ROBO2: variants seen among roughly 807,000 people sequenced by gnomAD.
ROBO2 encodes the protein roundabout guidance receptor 2, also known as roundabout homolog 2.
In ROBO2, 53 loss-of-function variants were observed where a neutral mutation model predicts 160.8. That is an observed-to-expected ratio of 0.33 (90% CI 0.26 to 0.41). The LOEUF (loss-of-function observed/expected upper bound fraction) is 0.41. ROBO2 is among the 10% of genes least tolerant of loss of function. The pLI, the probability that ROBO2 is intolerant of heterozygous loss-of-function variation, is 1.00. For synonymous variants in ROBO2, 664 were observed against 611.7 expected (o/e 1.09, Z -1.26); for missense variants, 1,577 against 1,722.4 (o/e 0.92, Z 1.49).
chr3:77,449,014 T>C (rs1439633480), intron 2 of ROBO2, among the ~76,000 whole-genome samples: 1 of 152,148 alleles, frequency 6.6e-6, no homozygotes, highest in African/African-American at 2.4e-5. Context: ...AAGTTTTAGC[T>C]CTTTAAGTTT....
rs530927345 is a variant in ROBO2, at chr3:76,941,248, T to C, written c.110-156766T>C. On this transcript the variant is annotated intron_variant, in intron 2 of 26. Coordinates refer to the ROBO2 transcript ENST00000487694. ...TACTCCAGTAGCTGTTTACTTGGCT[T>C]CCTTGCTTCTGTGCTTGTCCACTTG... Among the ~76,000 whole-genome samples the C allele has an allele frequency of 3.7e-3, 557 of 152,314 alleles. 3 individuals are homozygous for C. Among genetic ancestry groups the C allele is most frequent in the Non-Finnish European group, 6.9e-3 (468 of 68,036 alleles).
intron 2 of ROBO2, among the ~76,000 whole-genome samples, chr3:76,520,829 AT>A (rs542754955): frequency 6.6e-5 from 10 of 152,164 alleles, no homozygotes; most frequent in Non-Finnish European, 1.2e-4. Context: ...GCACTTTTGA[AT>A]TTTAAAAAGG....
chr3:76,802,544 C>T (rs1465173381), intron 2 of ROBO2, among the ~76,000 whole-genome samples: 1 of 151,734 alleles, frequency 6.6e-6, no homozygotes, highest in Non-Finnish European at 1.5e-5. Context: ...CTGGCTAACA[C>T]GGTGAAACCC....
At chr3:77,174,655 C>A (rs572604580) in intron 2 of ROBO2, among the ~76,000 whole-genome samples, 1 of 152,090 alleles carries the variant, frequency 6.6e-6, no homozygotes, top group African/African-American at 2.4e-5. Flanking sequence ...TGTTCTGATA[C>A]TCATGTCTGT....
intron 2 of ROBO2, among the ~76,000 whole-genome samples, chr3:76,269,020 T>G (rs192974983): frequency 6.6e-6 from 1 of 152,204 alleles, no homozygotes; most frequent in East Asian, 1.9e-4. Context: ...ATGACTGTTA[T>G]CTTATTGGGG....
intron 2 of ROBO2, among the ~76,000 whole-genome samples, chr3:76,451,136 G>T (rs930013016): frequency 6.6e-6 from 1 of 152,094 alleles, no homozygotes; most frequent in South Asian, 2.1e-4. Flanking sequence ...ATCTGAAGGC[G>T]ACACGTTACT....
chr3:77,644,725 G>T, exon 25 of ROBO2: 1 of 1,613,970 alleles, frequency 6.2e-7, no homozygotes, highest in South Asian at 1.1e-5. Context: ...GTGCCCTATA[G>T]CAAGCCCAGT....
intron 2 of ROBO2, among the ~76,000 whole-genome samples, chr3:77,355,250 T>C (rs1231670828): frequency 6.6e-6 from 1 of 151,770 alleles, no homozygotes; most frequent in Non-Finnish European, 1.5e-5. Context: ...CCCTAGGAGT[T>C]TGGCTCTGCT....
At position 76,830,174 on chromosome 3, in the gene ROBO2, C is replaced by G. The variant is rs142877238; in HGVS notation, c.110-267840C>G. Among the ~76,000 whole-genome samples, 496 of 152,286 alleles carry G rather than the reference C, an allele frequency of 3.3e-3. 1 individual carries two copies. The highest frequency in any genetic ancestry group is 5.0e-3 in the Non-Finnish European group (339 of 68,020). ...ACAGCTACAACTCAACTGTCCCCCC[C>G]TCCATGCATGCTATTCTTTCCTTAT... On this transcript the variant is annotated intron_variant, in intron 2 of 26. Transcript: ENST00000487694.
intron 2 of ROBO2, among the ~76,000 whole-genome samples, chr3:76,339,807 A>G (rs111652314): frequency 0.061 from 9,239 of 152,194 alleles, 790 homozygotes; most frequent in African/African-American, 0.19. Flanking sequence ...ACAATAATTC[A>G]TATGTTTATA....
At chr3:76,759,636 T>A (rs2061186516) in intron 2 of ROBO2, among the ~76,000 whole-genome samples, 1 of 150,382 alleles carries the variant, frequency 6.6e-6, no homozygotes. Context: ...AAAAAGTACA[T>A]GGAATTTCAG....
chr3:77,394,202 T>C (rs574957479), intron 2 of ROBO2, among the ~76,000 whole-genome samples: 14 of 152,280 alleles, frequency 9.2e-5, no homozygotes, highest in African/African-American at 3.4e-4. Flanking sequence ...AATCGTGCTT[T>C]TCCCTGCTGC....
chr3:76,806,214 C>CGTGTGTGT (rs71104623), intron 2 of ROBO2, among the ~76,000 whole-genome samples: 11,003 of 146,150 alleles, frequency 0.075, 543 homozygotes, highest in South Asian at 0.11. Flanking sequence ...TTTCTGTGTG[C>CGTGTGTGT]GTGTGTGTGT....
At chr3:75,936,060 G>A (rs1947764958) in intron 1 of ROBO2, among the ~76,000 whole-genome samples, 1 of 152,156 alleles carries the variant, frequency 6.6e-6, no homozygotes, top group Non-Finnish European at 1.5e-5. Context: ...ACTTTTCATG[G>A]AGTGTTTATT....
intron 2 of ROBO2, among the ~76,000 whole-genome samples, chr3:76,926,251 T>C (rs370275070): frequency 8.5e-5 from 13 of 152,308 alleles, no homozygotes; most frequent in African/African-American, 3.1e-4. Flanking sequence ...TTTATCTTTT[T>C]GTTAAGCATG....
chr3:76,176,840 T>A (rs1389886131), intron 2 of ROBO2, among the ~76,000 whole-genome samples: 1 of 152,104 alleles, frequency 6.6e-6, no homozygotes, highest in Non-Finnish European at 1.5e-5. Flanking sequence ...CAATAATATG[T>A]GTATGTCATT....
At chr3:76,203,838 G>A (rs938306898) in intron 2 of ROBO2, among the ~76,000 whole-genome samples, 5 of 152,292 alleles carry the variant, frequency 3.3e-5, no homozygotes, top group African/African-American at 1.2e-4. Flanking sequence ...TCAGGCTATC[G>A]GCTTCCCGGT....
intron 2 of ROBO2, among the ~76,000 whole-genome samples, chr3:76,081,600 G>A (rs1333584223): frequency 2.6e-5 from 4 of 152,070 alleles, no homozygotes; most frequent in African/African-American, 9.7e-5. Context: ...CTTTAGATAT[G>A]TTTCACTTCA....
intron 2 of ROBO2, among the ~76,000 whole-genome samples, chr3:76,493,447 T>C (rs369049823): frequency 6.9e-6 from 1 of 144,624 alleles, no homozygotes; most frequent in South Asian, 2.2e-4. Flanking sequence ...ATGAGTCTCA[T>C]ATCAAAATAT....
Sources: allele counts gnomAD v4.1 joint callset (sites outside exome capture counted in the v4.1 genomes callset), GRCh38; gene constraint gnomAD v4.1.1; transcripts MANE v1.5; gene names NCBI Gene and HGNC (gene_info 2026-07-23, HGNC 2026-07-21).